The following PCDH15 variants were observed in gnomAD, a reference collection of about 807,000 sequenced individuals.
The protein encoded by PCDH15 is protocadherin related 15, also known as protocadherin-15.
A neutral mutation model predicts 178.5 loss-of-function variants in PCDH15; 129 were observed. The observed-to-expected ratio is 0.72, with a 90% CI of 0.63 to 0.84. The LOEUF is 0.84. PCDH15 is among the 40% of genes least tolerant of loss of function. The pLI, the probability that PCDH15 is intolerant of heterozygous loss-of-function variation, is 0.00. For missense variants in PCDH15, 2,230 were observed against 2,099.9 expected (o/e 1.06, Z -1.21); for synonymous variants, 800 against 732.0 (o/e 1.09, Z -1.50).
intron 15 of PCDH15, among the ~76,000 whole-genome samples, chr10:54,092,225 A>T (rs2094610838): frequency 6.6e-6 from 1 of 152,066 alleles, no homozygotes; most frequent in African/African-American, 2.4e-5. Flanking sequence ...ATCCCACCAG[A>T]TTTACCTAAA....
At position 54,390,899 on chromosome 10, in the gene PCDH15, T is replaced by C. The variant is rs1962484; in HGVS notation, c.158-11957A>G. On this transcript the variant is annotated intron_variant, in intron 3 of 37. Coordinates refer to ENST00000644397, the MANE Select transcript of PCDH15 (RefSeq NM_001384140.1). ...TCCCATCTCATGTCTCAATGTCCCT[T>C]TTCTTCCCCAGTGCCAATTTTCAGT... Among the ~76,000 whole-genome samples, 1,261 of 152,258 alleles carry C rather than the reference T, an allele frequency of 8.3e-3. 17 individuals carry two copies. Among genetic ancestry groups the C allele is most frequent in the African/African-American group, 0.029 (1,193 of 41,554 alleles).
chr10:54,524,274 T>A (rs2083165821), intron 3 of PCDH15, among the ~76,000 whole-genome samples: 1 of 152,224 alleles, frequency 6.6e-6, no homozygotes, highest in Admixed American at 6.5e-5. Context: ...ATGAAGCTCC[T>A]TCAGGGTGGG....
chr10:55,355,152 C>T (rs1588948297), intron 2 of PCDH15, among the ~76,000 whole-genome samples: 1 of 151,848 alleles, frequency 6.6e-6, no homozygotes, highest in East Asian at 1.9e-4. Context: ...ACTCATTGCC[C>T]CACTGCTGGA....
At chr10:55,026,457 A>T (rs1037915628) in intron 2 of PCDH15, among the ~76,000 whole-genome samples, 1 of 151,982 alleles carries the variant, frequency 6.6e-6, no homozygotes, top group African/African-American at 2.4e-5. Context: ...TGGTTTTCAG[A>T]TAGGGACATT....
At chr10:55,093,718 A>G (rs1842374799) in intron 2 of PCDH15, among the ~76,000 whole-genome samples, 2 of 152,152 alleles carry the variant, frequency 1.3e-5, no homozygotes, top group African/African-American at 4.8e-5. Context: ...AACCCCATCA[A>G]AAAGTGGGCA....
intron 2 of PCDH15, among the ~76,000 whole-genome samples, chr10:54,928,526 C>A (rs1040679661): frequency 2.0e-5 from 3 of 152,088 alleles, no homozygotes; most frequent in African/African-American, 7.2e-5. Context: ...ATATGCTGAA[C>A]TATGTTTTCC....
chr10:54,338,792 G>A (rs1032765503), intron 6 of PCDH15, among the ~76,000 whole-genome samples: 4 of 151,806 alleles, frequency 2.6e-5, no homozygotes, highest in Admixed American at 2.0e-4. Context: ...CAAGGGACAT[G>A]TCATCAGTCT....
intron 2 of PCDH15, among the ~76,000 whole-genome samples, chr10:55,608,299 A>T (rs1221902991): frequency 6.7e-6 from 1 of 148,240 alleles, no homozygotes; most frequent in Non-Finnish European, 1.5e-5. Context: ...GGGGAAGGGA[A>T]GCAGAGGGAA....
At chr10:55,169,125 G>A (rs188936361) in intron 1 of PCDH15, among the ~76,000 whole-genome samples, 6 of 151,976 alleles carry the variant, frequency 3.9e-5, no homozygotes, top group Non-Finnish European at 8.8e-5. Flanking sequence ...ATTTTTAACC[G>A]CTCTTAACTA....
intron 1 of PCDH15, among the ~76,000 whole-genome samples, chr10:55,242,757 G>A (rs1841584809): frequency 1.3e-5 from 2 of 152,058 alleles, no homozygotes; most frequent in Non-Finnish European, 2.9e-5. Flanking sequence ...GGGTTGAGGT[G>A]GGCGGATCAT....
intron 28 of PCDH15, among the ~76,000 whole-genome samples, chr10:53,851,796 AC>A (rs2132946566): frequency 6.7e-6 from 1 of 149,286 alleles, no homozygotes; most frequent in Admixed American, 6.8e-5. Context: ...TATCCTGGCT[AC>A]ATTTCTAATG....
intron 1 of PCDH15, among the ~76,000 whole-genome samples, chr10:54,700,854 TAC>T (rs1160763546): frequency 6.6e-6 from 1 of 151,808 alleles, no homozygotes; most frequent in Admixed American, 6.6e-5. Flanking sequence ...ATTCAGAAAA[TAC>T]AGAGAACCCC....
At chr10:54,111,318 C>A (rs1337864925) in intron 15 of PCDH15, among the ~76,000 whole-genome samples, 1 of 152,000 alleles carries the variant, frequency 6.6e-6, no homozygotes, top group African/African-American at 2.4e-5. Context: ...AATAGTTGCC[C>A]AAGCAAATAG....
chr10:54,410,356 A>G (rs1953310281), intron 3 of PCDH15, among the ~76,000 whole-genome samples: 1 of 152,152 alleles, frequency 6.6e-6, no homozygotes, highest in Non-Finnish European at 1.5e-5. Context: ...AGAACAAGTC[A>G]GGCTGCAGAA....
At chr10:54,264,011 T>C (rs2057504347) in intron 8 of PCDH15, among the ~76,000 whole-genome samples, 1 of 152,070 alleles carries the variant, frequency 6.6e-6, no homozygotes, top group South Asian at 2.1e-4. Context: ...TTCTTCAGAT[T>C]TTGGACTTTT....
chr10:54,189,919 ATGTGTATGTGTGTGTGTGTG>A (rs2048823578), intron 11 of PCDH15, among the ~76,000 whole-genome samples: 1 of 108,750 alleles, frequency 9.2e-6, no homozygotes, highest in Admixed American at 1.0e-4. Flanking sequence ...GTATACATGC[ATGTGTATGTGTGTGTGTGTG>A]TGTGTGTGTG....
chr10:54,539,620 C>T (rs919331522), intron 2 of PCDH15, among the ~76,000 whole-genome samples: 9 of 152,118 alleles, frequency 5.9e-5, no homozygotes, highest in African/African-American at 2.2e-4. Context: ...TGACACTTGA[C>T]AAATTGAGCA....
chr10:55,399,414 G>T (rs1486066500), intron 2 of PCDH15, among the ~76,000 whole-genome samples: 2 of 152,114 alleles, frequency 1.3e-5, no homozygotes, highest in Non-Finnish European at 2.9e-5. Context: ...AATAAAATGT[G>T]TGCGAATATT....
chr10:55,140,272 G>C lies in PCDH15; in HGVS notation c.-80+26304C>G, dbSNP rs545774717. Among the ~76,000 whole-genome samples the C allele has an allele frequency of 3.6e-4, 55 of 151,940 alleles. 1 individual carries two copies. The South Asian group carries it at 0.011, about 30-fold the overall frequency. On this transcript the variant is annotated intron_variant, in intron 2 of 5. Transcript: ENST00000458638. ...ATTTTTGGTACTATGTTGCATGAAA[G>C]TATTAAAAGGAAACATTCTTATTTT...
Sources: allele counts gnomAD v4.1 joint callset (sites outside exome capture counted in the v4.1 genomes callset), GRCh38; gene constraint gnomAD v4.1.1; transcripts MANE v1.5; gene names NCBI Gene and HGNC (gene_info 2026-07-23, HGNC 2026-07-21).